ANKRD53: variants seen among roughly 807,000 people sequenced by gnomAD.
ANKRD53 encodes the protein ankyrin repeat domain 53, also known as ankyrin repeat domain-containing protein 53.
Under a neutral mutation model 30.1 loss-of-function variants are expected in ANKRD53, and 27 were observed. The ratio of observed to expected loss-of-function variants is 0.90; its 90% CI spans 0.66 to 1.24. The LOEUF is 1.24. ANKRD53 is among the 50% of genes most tolerant of loss of function. ANKRD53 has a pLI of 0.00. For synonymous variants in ANKRD53, 286 were observed against 295.4 expected, an observed-to-expected ratio of 0.97 and a Z score of 0.33; for missense variants, 682 against 721.0, an observed-to-expected ratio of 0.95 and a Z score of 0.62.
At chr2:70,984,589 C>G in intron 5 of ANKRD53, 22 bp from the exon 6 acceptor site, 1 of 1,611,462 alleles carries the variant, frequency 6.2e-7, no homozygotes, top group Non-Finnish European at 8.5e-7. Context: ...CCATGACTCT[C>G]TTGTGCCCTC....
intron 3 of ANKRD53, among the ~76,000 whole-genome samples, chr2:70,981,286 C>T (rs1463635229): frequency 1.3e-5 from 2 of 151,656 alleles, no homozygotes; most frequent in African/African-American, 4.9e-5. Context: ...AAGGAGCAGA[C>T]AGTGAATTAG....
In ANKRD53 at chr2:70,979,680, T is replaced by A. The variant is rs1347898153; in HGVS notation, c.437T>A (p.Phe146Tyr). ...TCACAGGGCTTCACTGCCATCCACTTCGCCGCCCAATGGGGCAAGCTTGCA... is the reference window on the plus strand; with the variant it reads ...TCACAGGGCTTCACTGCCATCCACTACGCCGCCCAATGGGGCAAGCTTGCA... The part of the protein sequence containing the change: ...TDDKGFTAIH[F>Y]AAQWGKLACL... The change falls in exon 3 of 6, where the codon TTC becomes TAC. Residue 146 changes from phenylalanine to tyrosine, a missense_variant. Phe to Tyr is a conservative substitution (Grantham distance 22). Transcript: ENST00000360589. 6.8e-6 allele frequency: 11 copies of A among 1,613,758 alleles called. No individual in the cohort carries two copies. Among genetic ancestry groups the A allele is most frequent in the Non-Finnish European group, 9.3e-6 (11 of 1,179,892 alleles).
chr2:70,984,086 A>G, intron 5 of ANKRD53: 1 of 1,586,318 alleles, frequency 6.3e-7, no homozygotes, highest in Non-Finnish European at 8.7e-7. Context: ...GCGTGTCCAC[A>G]TCAGGCCATC....
At position 70,982,564 on chromosome 2, in the gene ANKRD53, A is replaced by AC; in HGVS notation, c.783-11dup. ...ACTGTGGGATGACACCCCCGCCCTG[A>AC]CCTTGGCACCAGGTTCTTGAAGGAT... On this transcript the variant is annotated splice_polypyrimidine_tract_variant and intron_variant, in intron 4 of 5. Coordinates refer to ENST00000360589, the MANE Select transcript of ANKRD53 (RefSeq NM_001115116.2). This position sits in a 1 kb window ranked among gnomAD's most constrained non-coding sequence, Gnocchi z 4.2. 6.2e-7 allele frequency: 1 copy of AC among 1,613,992 alleles called. No homozygotes were observed. Among genetic ancestry groups the AC allele is most frequent in the Non-Finnish European group, 8.5e-7 (1 of 1,179,886 alleles).
chr2:70,984,882 C>T lies in ANKRD53; in HGVS notation c.1175C>T (p.Pro392Leu), dbSNP rs1553424449. The stretch of plus-strand genomic sequence containing the variant: ...ACAATGTGGAATGTTAGCAACAACC[C>T]CGCCAGACCCCCCACCACCCAGATC... ...RPTMWNVSNN[P>L]ARPPTTQISH... Residue 392 changes from proline to leucine, a missense_variant, in exon 6 of 6, where the codon CCC becomes CTC. Physicochemically the swap from Pro to Leu is moderately conservative, Grantham distance 98 (BLOSUM62 -3). Transcript: ENST00000360589. 2 of 1,551,032 alleles carry T rather than the reference C, an allele frequency of 1.3e-6. No homozygotes were observed. The highest frequency in any genetic ancestry group is 1.2e-5 in the South Asian group (1 of 84,064).
In ANKRD53 at chr2:70,982,407, G is replaced by T. The variant is rs1553423785; in HGVS notation, c.783-170G>T. 5 of 953,514 alleles carry T rather than the reference G, an allele frequency of 5.2e-6. No homozygotes were observed. Among genetic ancestry groups the T allele is most frequent in the Non-Finnish European group, 7.6e-6 (5 of 654,594 alleles). The allele number at this position is 953,514 out of a possible 1,614,324, so 59.1% of individuals were successfully genotyped here. A position where few individuals can be genotyped will look rare whatever the true frequency, so the allele number is the denominator to read the frequency against. The stretch of plus-strand genomic sequence containing the variant: ...CAAGGACTTTCGTCTTTCACCTAAA[G>T]GAAGTAGGGAGCCAGAGGGCCCCGG... On this transcript the variant is annotated intron_variant, in intron 4 of 5. Coordinates refer to ENST00000360589, the MANE Select transcript of ANKRD53 (RefSeq NM_001115116.2). The surrounding 1 kb of genome is among the most constrained non-coding windows in gnomAD (Gnocchi z 4.2).
In ANKRD53 at chr2:70,985,100, C is replaced by T. The variant is rs1558690602; in HGVS notation, c.1393C>T (p.Pro465Ser). 7 of 1,550,908 alleles carry T rather than the reference C, an allele frequency of 4.5e-6. No homozygotes were observed. Among genetic ancestry groups the T allele is most frequent in the Non-Finnish European group, 6.1e-6 (7 of 1,147,000 alleles). Residue 465 changes from proline to serine, a missense_variant, in exon 6 of 6, where the codon CCA becomes TCA. Coordinates refer to ENST00000360589, the MANE Select transcript of ANKRD53 (RefSeq NM_001115116.2). ...LLRMLYPRVW[P>S]YRMKVPQGFY... Reference sequence around the variant, plus strand: ...GCGCATGCTGTACCCACGTGTATGGCCATACAGAATGAAGGTGCCCCAGGG... The same window carrying T: ...GCGCATGCTGTACCCACGTGTATGGTCATACAGAATGAAGGTGCCCCAGGG...
rs781918270 is a variant in ANKRD53 at position 70,979,057 on chromosome 2, C to T, written c.171-40C>T. ...GATCGCCTCCCGAGAGGTGCCCGGG[C>T]CGTGGCCCAGAGTCGCTTCCCCACT... On this transcript the variant is annotated intron_variant, in intron 1 of 5. Coordinates refer to ENST00000360589, the MANE Select transcript of ANKRD53 (RefSeq NM_001115116.2). 13 of 1,525,354 alleles carry T rather than the reference C, an allele frequency of 8.5e-6. No individual in the cohort carries two copies. In the African/African-American group the frequency reaches 1.4e-4, roughly 16 times the overall value. 94.5% of individuals were successfully genotyped at this position (1,525,354 alleles called of 1,614,324 possible).
Position 70,978,724 on chromosome 2 carries a change from C to A in ANKRD53, c.79C>A (p.Arg27=). ...HSERGEGRGA[R]PQPTPSGSMQ... ...AGAAAGGGGAGAAGGGAGAGGTGCT[C>A]GGCCGCAGCCAACTCCAAGTGGCTC... Residue 27 remains arginine (R), a synonymous_variant, in exon 1 of 6, where the codon CGG becomes AGG. Coordinates refer to ENST00000360589, the MANE Select transcript of ANKRD53 (RefSeq NM_001115116.2). The surrounding 1 kb of genome is among the most constrained non-coding windows in gnomAD (Gnocchi z 4.3). 6.4e-7 allele frequency: 1 copy of A among 1,553,064 alleles called. No homozygotes were observed. The highest frequency in any genetic ancestry group is 2.4e-5 in the East Asian group (1 of 41,750).
At chr2:70,979,905 G>C in intron 3 of ANKRD53, 45 bp downstream of exon 3, 4 of 1,608,976 alleles carry the variant, frequency 2.5e-6, no homozygotes, top group Non-Finnish European at 3.4e-6. Context: ...GCACAGGCAC[G>C]GGCACAGCCC....
intron 5 of ANKRD53, chr2:70,984,289 C>T (rs1390933953): frequency 5.0e-6 from 8 of 1,613,902 alleles, no homozygotes; most frequent in South Asian, 1.1e-5. Context: ...GACTGTGTCT[C>T]CCATGTCAAG....
Position 70,982,423 on chromosome 2 carries a change from A to G in ANKRD53, c.783-154A>G, listed in dbSNP as rs1670039560. 2 of 1,072,434 alleles carry G rather than the reference A, an allele frequency of 1.9e-6. No homozygotes were observed. The highest frequency in any genetic ancestry group is 1.6e-5 in the African/African-American group (1 of 63,052). The allele number at this position is 1,072,434 out of a possible 1,614,324, so 66.4% of individuals were successfully genotyped here. ...TCACCTAAAGGAAGTAGGGAGCCAG[A>G]GGGCCCCGGGCAATGGGGATGGCTC... On this transcript the variant is annotated intron_variant, in intron 4 of 5. Coordinates refer to ENST00000360589, the MANE Select transcript of ANKRD53 (RefSeq NM_001115116.2). The surrounding 1 kb of genome is among the most constrained non-coding windows in gnomAD (Gnocchi z 4.2).
Position 70,984,899 on chromosome 2 carries a change from A to G in ANKRD53, c.1192A>G (p.Thr398Ala), listed in dbSNP as rs1390998706. 1 of 1,550,310 alleles carries G rather than the reference A, an allele frequency of 6.5e-7. No homozygotes were observed. Among genetic ancestry groups the G allele is most frequent in the Non-Finnish European group, 8.7e-7 (1 of 1,146,912 alleles). ...VSNNPARPPT[T>A]QISHSQGIRL... Reference sequence around the variant, plus strand: ...CAACAACCCCGCCAGACCCCCCACCACCCAGATCAGCCACTCGCAGGGCAT... The same window carrying G: ...CAACAACCCCGCCAGACCCCCCACCGCCCAGATCAGCCACTCGCAGGGCAT... Residue 398 changes from threonine to alanine, a missense_variant, in exon 6 of 6, where the codon ACC (threonine) becomes GCC (alanine). Coordinates refer to ENST00000360589, the MANE Select transcript of ANKRD53 (RefSeq NM_001115116.2).
chr2:70,978,932 G>C lies in ANKRD53; in HGVS notation c.170+117G>C. The C allele has an allele frequency of 6.9e-7, 1 of 1,444,414 alleles. No homozygotes were observed. The highest frequency in any genetic ancestry group is 2.6e-5 in the East Asian group (1 of 38,484). 89.5% of individuals were successfully genotyped at this position (1,444,414 alleles called of 1,614,324 possible). On this transcript the variant is annotated intron_variant, in intron 1 of 5. Coordinates refer to ENST00000360589, the MANE Select transcript of ANKRD53 (RefSeq NM_001115116.2). The surrounding 1 kb of genome is among the most constrained non-coding windows in gnomAD (Gnocchi z 4.3). ...GAGGCTGCGGCCCGAGAAGCCAGCA[G>C]AGACAGGCTGGGGCCAGGGATCGCC... is the stretch of plus-strand genomic sequence containing the variant.
chr2:70,978,666 C>T lies in ANKRD53; in HGVS notation c.21C>T (p.Thr7=). 6.5e-7 allele frequency: 1 copy of T among 1,542,494 alleles called. No individual in the cohort carries two copies. Among genetic ancestry groups the T allele is most frequent in the South Asian group, 1.2e-5 (1 of 83,158 alleles). ...CCGCGATGGCCTCCGCGGGCAGCAC[C>T]GCTCGGCGGGCGGGCTCCGGAAGCT... is the stretch of plus-strand genomic sequence containing the variant. The part of the protein sequence containing the change: MASAGS[T]ARRAGSGSWH... Residue 7 remains threonine, a synonymous_variant, in exon 1 of 6, where the codon ACC becomes ACT. Transcript: ENST00000360589. This position sits in a 1 kb window ranked among gnomAD's most constrained non-coding sequence, Gnocchi z 4.3.
rs1176506156 is a variant in ANKRD53 at position 70,985,384 on chromosome 2, G to A, written c.*84G>A. 9 of 1,328,416 alleles carry A rather than the reference G, an allele frequency of 6.8e-6. No homozygotes were observed. Among genetic ancestry groups the A allele is most frequent in the African/African-American group, 1.5e-5 (1 of 68,298 alleles). The allele number at this position is 1,328,416 out of a possible 1,614,324, so 82.3% of individuals were successfully genotyped here. A position where few individuals can be genotyped will look rare whatever the true frequency, so the allele number is the denominator to read the frequency against. On this transcript the variant is annotated 3_prime_UTR_variant, in exon 6 of 6. Coordinates refer to ENST00000360589, the MANE Select transcript of ANKRD53 (RefSeq NM_001115116.2). Reference sequence around the variant, plus strand: ...TCACGTTGTGGGTGGCGAGGAAAGGGGGAGGGGTGCCTATGGGCTTCCCAC... The same window carrying A: ...TCACGTTGTGGGTGGCGAGGAAAGGAGGAGGGGTGCCTATGGGCTTCCCAC...
Position 70,982,199 on chromosome 2 carries a change from T to C in ANKRD53, c.782+99T>C, listed in dbSNP as rs1215438751. 7.2e-7 allele frequency: 1 copy of C among 1,383,340 alleles called. No homozygotes were observed. Among genetic ancestry groups the C allele is most frequent in the Non-Finnish European group, 9.6e-7 (1 of 1,036,992 alleles). The allele number at this position is 1,383,340 out of a possible 1,614,324, so 85.7% of individuals were successfully genotyped here. On this transcript the variant is annotated intron_variant, in intron 4 of 5. Transcript: ENST00000360589. The surrounding 1 kb of genome is among the most constrained non-coding windows in gnomAD (Gnocchi z 4.2). ...CACAGCTGAGCCTTTAAGGGGAGGG[T>C]TGGGAAGCCAGACAGCTGGAGGATG... is the stretch of plus-strand genomic sequence containing the variant.
chr2:70,984,713 A>C lies in ANKRD53; in HGVS notation c.1006A>C (p.Thr336Pro), dbSNP rs868971398. 3 of 1,611,266 alleles carry C rather than the reference A, an allele frequency of 1.9e-6. No individual in the cohort carries two copies. The Middle Eastern group carries it at 5.0e-4, about 266-fold the overall frequency. Residue 336 changes from threonine to proline, a missense_variant, in exon 6 of 6, where the codon ACC (threonine) becomes CCC (proline). Transcript: ENST00000360589. ...CTCCAATACCAAGCAAGCCCGGGCCACCGCCCTCTCCAAGACCCCAGAGCA... is the reference window on the plus strand; with the variant it reads ...CTCCAATACCAAGCAAGCCCGGGCCCCCGCCCTCTCCAAGACCCCAGAGCA... The part of the protein sequence containing the change: ...LVSNTKQARA[T>P]ALSKTPEQRE...
In ANKRD53 at chr2:70,978,833, G is replaced by T. The variant is rs782748524; in HGVS notation, c.170+18G>T. The T allele has an allele frequency of 1.7e-5, 27 of 1,552,292 alleles. No individual in the cohort carries two copies. The highest frequency in any genetic ancestry group is 2.3e-5 in the Non-Finnish European group (26 of 1,149,166). ...CAGCCCAGGTGGGTAGCGGGAGAAG[G>T]TGTCCCGGCTGCAGGGAGCGAGAAC... On this transcript the variant is annotated intron_variant, in intron 1 of 5. Coordinates refer to ENST00000360589, the MANE Select transcript of ANKRD53 (RefSeq NM_001115116.2). The surrounding 1 kb of genome is among the most constrained non-coding windows in gnomAD (Gnocchi z 4.3).
Sources: gnomAD v4.1 joint callset for allele counts (sites outside exome capture counted in the v4.1 genomes callset) on GRCh38, gnomAD v4.1.1 for gene constraint, Gnocchi (gnomAD v3.1) non-coding constraint, MANE v1.5 for transcripts, NCBI Gene and HGNC (gene_info 2026-07-23, HGNC 2026-07-21) for gene names.